FUT9: variants seen among roughly 807,000 people sequenced by gnomAD.
The protein encoded by FUT9 is 4-galactosyl-N-acetylglucosaminide 3-alpha-L-fucosyltransferase 9.
Under a neutral mutation model 29.7 loss-of-function variants are expected in FUT9, and 15 were observed. The ratio of observed to expected loss-of-function variants is 0.51; its 90% CI spans 0.34 to 0.78. The LOEUF (loss-of-function observed/expected upper bound fraction) is 0.78. Among genes scored for constraint, FUT9 ranks in the 30% least tolerant of loss-of-function variants. FUT9 has a pLI of 0.01. For missense variants in FUT9, 319 were observed against 425.4 expected (o/e 0.75, Z 2.20); for synonymous variants, 169 against 153.7 (o/e 1.10, Z -0.74).
At chr6:96,018,227 C>G (rs910941276) in intron 1 of FUT9, among the ~76,000 whole-genome samples, 1 of 152,000 alleles carries the variant, frequency 6.6e-6, no homozygotes, top group Non-Finnish European at 1.5e-5. Flanking sequence ...CACAGTATAT[C>G]CAACAGTAAT....
chr6:96,191,774 G>A (rs6935235), intron 2 of FUT9, among the ~76,000 whole-genome samples: 149,713 of 152,078 alleles, frequency 0.98, 73,742 homozygotes, highest in South Asian at 1. Flanking sequence ...AGACACAACA[G>A]AAAAAGAACA....
intron 1 of FUT9, among the ~76,000 whole-genome samples, chr6:96,058,227 C>T (rs1398508792): frequency 6.6e-6 from 1 of 152,082 alleles, no homozygotes; most frequent in Non-Finnish European, 1.5e-5. Flanking sequence ...GGCAGTACTT[C>T]TATGAATAGT....
chr6:96,020,015 T>C (rs1770040653), intron 1 of FUT9, among the ~76,000 whole-genome samples: 1 of 152,096 alleles, frequency 6.6e-6, no homozygotes, highest in African/African-American at 2.4e-5. Flanking sequence ...TAAAATGAAA[T>C]AAAAGGTCTG....
chr6:96,082,215 A>G (rs757810136), intron 1 of FUT9, among the ~76,000 whole-genome samples: 7 of 151,640 alleles, frequency 4.6e-5, no homozygotes, highest in Non-Finnish European at 1.0e-4. Context: ...ATTATTCTTT[A>G]GCAGAAATTT....
At chr6:96,145,012 T>G (rs142874371) in intron 2 of FUT9, among the ~76,000 whole-genome samples, 48 of 152,264 alleles carry the variant, frequency 3.2e-4, no homozygotes, top group African/African-American at 9.9e-4. Context: ...TAGCTATTAG[T>G]AGACACATCC....
intron 1 of FUT9, among the ~76,000 whole-genome samples, chr6:96,052,671 A>G (rs973928594): frequency 1.3e-5 from 2 of 152,214 alleles, no homozygotes; most frequent in Non-Finnish European, 2.9e-5. Flanking sequence ...AATGGAACTA[A>G]CTTGGCTTCA....
intron 1 of FUT9, among the ~76,000 whole-genome samples, chr6:96,054,876 A>G (rs1770734530): frequency 1.3e-5 from 2 of 152,206 alleles, no homozygotes; most frequent in African/African-American, 4.8e-5. Context: ...TGCCTGACAC[A>G]TATTACATAC....
At chr6:96,040,453 G>C (rs1770439871) in intron 1 of FUT9, among the ~76,000 whole-genome samples, 2 of 152,198 alleles carry the variant, frequency 1.3e-5, no homozygotes, top group Admixed American at 1.3e-4. Flanking sequence ...GGAGAATAAA[G>C]CTGGAAGTAG....
chr6:96,016,436 T>C (rs1450540891), intron 1 of FUT9, among the ~76,000 whole-genome samples: 1 of 152,126 alleles, frequency 6.6e-6, no homozygotes, highest in Non-Finnish European at 1.5e-5. Flanking sequence ...TGCCTGCAGC[T>C]CGCAGTCCCG....
At chr6:96,157,239 G>A (rs1024354828) in intron 2 of FUT9, among the ~76,000 whole-genome samples, 7 of 152,136 alleles carry the variant, frequency 4.6e-5, no homozygotes, top group Admixed American at 1.3e-4. Flanking sequence ...ATTATGAAAC[G>A]AGTGTGACAA....
intron 1 of FUT9, among the ~76,000 whole-genome samples, chr6:96,102,805 C>G (rs1206788005): frequency 6.6e-6 from 1 of 152,066 alleles, no homozygotes; most frequent in South Asian, 2.1e-4. Context: ...CCCTGTATAC[C>G]AAATTTGAAA....
Position 96,047,796 on chromosome 6 carries a change from G to C in FUT9, c.-98+31584G>C, listed in dbSNP as rs569412458. On this transcript the variant is annotated intron_variant, in intron 1 of 2. Coordinates refer to ENST00000302103, the MANE Select transcript of FUT9 (RefSeq NM_006581.4). ...CAACAAGAATTAAGAAAGATTTCCTGAAATCTCTAGGGCATCAGTAGATGA... is the reference window on the plus strand; with the variant it reads ...CAACAAGAATTAAGAAAGATTTCCTCAAATCTCTAGGGCATCAGTAGATGA... 2.6e-5 allele frequency among the ~76,000 whole-genome samples: 4 copies of C among 152,278 alleles called. No homozygotes were observed. The South Asian group carries it at 6.2e-4, about 24-fold the overall frequency.
chr6:96,115,063 G>T (rs1409990746), intron 2 of FUT9, among the ~76,000 whole-genome samples: 1 of 152,192 alleles, frequency 6.6e-6, no homozygotes, highest in African/African-American at 2.4e-5. Context: ...ATTGCAGGTG[G>T]TGGTGGATAG....
intron 1 of FUT9, among the ~76,000 whole-genome samples, chr6:96,099,234 AT>A (rs1252026646): frequency 2.0e-5 from 3 of 151,954 alleles, no homozygotes; most frequent in Non-Finnish European, 4.4e-5. Flanking sequence ...CAGAGGAGCC[AT>A]TTCATTTCTT....
At chr6:96,058,551 A>C (rs1487959787) in intron 1 of FUT9, among the ~76,000 whole-genome samples, 1 of 152,008 alleles carries the variant, frequency 6.6e-6, no homozygotes, top group Non-Finnish European at 1.5e-5. Flanking sequence ...GACCTAATGC[A>C]GTAGAATTTT....
chr6:96,202,646 C>T (rs536167540), intron 2 of FUT9, among the ~76,000 whole-genome samples: 2 of 152,028 alleles, frequency 1.3e-5, no homozygotes, highest in South Asian at 2.1e-4. Flanking sequence ...AAATTTATAA[C>T]GAGAAAAACA....
At chr6:96,061,935 G>A (rs186907585) in intron 1 of FUT9, among the ~76,000 whole-genome samples, 1 of 152,266 alleles carries the variant, frequency 6.6e-6, no homozygotes, top group Non-Finnish European at 1.5e-5. Flanking sequence ...AACAGAAGCA[G>A]AATTACATAT....
intron 1 of FUT9, among the ~76,000 whole-genome samples, chr6:96,024,352 A>G (rs1770126547): frequency 6.6e-6 from 1 of 151,874 alleles, no homozygotes; most frequent in Non-Finnish European, 1.5e-5. Context: ...AGAAGGGGAC[A>G]GAAGAATCAG....
chr6:96,050,400 T>C (rs1438663592), intron 1 of FUT9, among the ~76,000 whole-genome samples: 1 of 152,226 alleles, frequency 6.6e-6, no homozygotes, highest in African/African-American at 2.4e-5. Context: ...ATGCAATGCC[T>C]GTTTAGTTTG....
Sources: gnomAD v4.1 joint callset for allele counts (sites outside exome capture counted in the v4.1 genomes callset) on GRCh38, gnomAD v4.1.1 for gene constraint, MANE v1.5 for transcripts, NCBI Gene and HGNC (gene_info 2026-07-23, HGNC 2026-07-21) for gene names.